ADD2: variants seen among roughly 807,000 people sequenced by gnomAD.
The protein encoded by ADD2 is adducin 2, also known as beta-adducin.
Under a neutral mutation model 83.0 loss-of-function variants are expected in ADD2, and 23 were observed. That is an observed-to-expected ratio of 0.28 (90% confidence interval 0.20 to 0.39). ADD2 has a LOEUF of 0.39. ADD2 is among the 10% of genes least tolerant of loss of function. The pLI, the probability that ADD2 is intolerant of heterozygous loss-of-function variation, is 1.00. For missense variants in ADD2, 758 were observed against 944.9 expected (o/e 0.80, Z 2.59); for synonymous variants, 375 against 375.4 (o/e 1.00, Z 0.01).
chr2:70,752,106 G>T (rs575045328), intron 1 of ADD2, among the ~76,000 whole-genome samples: 1 of 152,138 alleles, frequency 6.6e-6, no homozygotes, highest in South Asian at 2.1e-4. Context: ...ACGCGCTTTG[G>T]ACATTTGCCA....
intron 1 of ADD2, among the ~76,000 whole-genome samples, chr2:70,758,093 G>A (rs1318649465): frequency 6.6e-6 from 1 of 152,192 alleles, no homozygotes; most frequent in Non-Finnish European, 1.5e-5. Flanking sequence ...GGCAGGAACT[G>A]TGAGGGATCG....
At chr2:70,705,075 A>C (rs3771457) in intron 3 of ADD2, among the ~76,000 whole-genome samples, 46,722 of 151,816 alleles carry the variant, frequency 0.31, 7,514 homozygotes, top group East Asian at 0.43. Flanking sequence ...TGTAAAAGGG[A>C]AGAAGGAAGC....
intron 1 of ADD2, among the ~76,000 whole-genome samples, chr2:70,762,311 T>A (rs1041524820): frequency 1.3e-5 from 2 of 151,808 alleles, no homozygotes; most frequent in Non-Finnish European, 2.9e-5. Flanking sequence ...ACCAGATTTC[T>A]TATCACACAG....
chr2:70,684,930 T>C (rs113825310), intron 9 of ADD2, among the ~76,000 whole-genome samples: 1 of 152,220 alleles, frequency 6.6e-6, no homozygotes. Context: ...CCCTTTTTTT[T>C]AAATTCTGTG....
intron 13 of ADD2, chr2:70,675,034 A>T: frequency 7.4e-7 from 1 of 1,346,272 alleles, no homozygotes. Flanking sequence ...AACTGGCTGG[A>T]TGAATATAGG....
At chr2:70,682,452 G>A (rs926271343) in intron 10 of ADD2, among the ~76,000 whole-genome samples, 2 of 152,172 alleles carry the variant, frequency 1.3e-5, no homozygotes, top group Admixed American at 1.3e-4. Flanking sequence ...GGTCAGCCTG[G>A]TAACAAAGTA....
intron 2 of ADD2, among the ~76,000 whole-genome samples, chr2:70,710,681 G>C (rs1396546242): frequency 6.6e-6 from 1 of 152,238 alleles, no homozygotes; most frequent in Non-Finnish European, 1.5e-5. Flanking sequence ...AGACTACCTG[G>C]GTTCAAATCT....
At chr2:70,688,978 G>A (rs1421458835) in intron 8 of ADD2, among the ~76,000 whole-genome samples, 2 of 152,058 alleles carry the variant, frequency 1.3e-5, no homozygotes, top group African/African-American at 4.8e-5. Context: ...GATGGGGCCT[G>A]CCTGTAGTCC....
intron 1 of ADD2, among the ~76,000 whole-genome samples, chr2:70,745,210 C>T (rs1283909387): frequency 2.6e-5 from 4 of 152,134 alleles, no homozygotes; most frequent in African/African-American, 9.6e-5. Context: ...GGTGTGAACC[C>T]GGAGGGCGGA....
chr2:70,691,964 C>T (rs188243978), intron 7 of ADD2: 1 of 153,786 alleles, frequency 6.5e-6, no homozygotes, highest in Admixed American at 6.5e-5. Flanking sequence ...CATTGAGTCT[C>T]TTCTTTGTAT....
At chr2:70,749,457 C>T (rs533062013) in intron 1 of ADD2, among the ~76,000 whole-genome samples, 1 of 152,186 alleles carries the variant, frequency 6.6e-6, no homozygotes, top group East Asian at 1.9e-4. Context: ...GTCACTAATG[C>T]CAGGGGAAGT....
chr2:70,713,328 AG>A (rs1672294458), intron 1 of ADD2, 144 bp from the exon 2 acceptor site: 2 of 250,392 alleles, frequency 8.0e-6, no homozygotes, highest in African/African-American at 4.6e-5. Flanking sequence ...AAAAAGGTAA[AG>A]AGGCCAGGCA....
intron 1 of ADD2, among the ~76,000 whole-genome samples, chr2:70,722,519 A>C (rs575646641): frequency 2.6e-5 from 4 of 152,326 alleles, no homozygotes; most frequent in Admixed American, 2.0e-4. Flanking sequence ...CTGAAGGATG[A>C]GACAAGAGAA....
intron 1 of ADD2, among the ~76,000 whole-genome samples, chr2:70,757,869 C>T (rs1377710178): frequency 6.6e-6 from 1 of 152,190 alleles, no homozygotes; most frequent in Non-Finnish European, 1.5e-5. Context: ...CCATGCATTT[C>T]AAAGTTTAAT....
chr2:70,733,140 G>A (rs1029886222), intron 1 of ADD2, among the ~76,000 whole-genome samples: 1 of 152,084 alleles, frequency 6.6e-6, no homozygotes, highest in Non-Finnish European at 1.5e-5. Flanking sequence ...AGGGTCCAAG[G>A]GCCATTTCTA....
chr2:70,675,204 A>AT, intron 13 of ADD2: 2 of 1,015,226 alleles, frequency 2.0e-6, no homozygotes, highest in Non-Finnish European at 2.4e-6. Context: ...CAAGCATAGC[A>AT]TTGGCTCAAG....
At chr2:70,756,071 G>GAAAAAAAAAA in intron 1 of ADD2, among the ~76,000 whole-genome samples, 1 of 117,372 alleles carries the variant, frequency 8.5e-6, no homozygotes, top group Non-Finnish European at 1.9e-5. Context: ...GCAAAAAAAA[G>GAAAAAAAAAA]AAAAAAAAAA....
In ADD2 at chr2:70,720,369, G is replaced by A. The variant is rs542690788; in HGVS notation, c.-153-7185C>T. Reference sequence around the variant, plus strand: ...CTCACATGGGGAACTGCTGGCCTCCGGAATCTCCATGTGGAGACATCTCAA... The same window carrying A: ...CTCACATGGGGAACTGCTGGCCTCCAGAATCTCCATGTGGAGACATCTCAA... On this transcript the variant is annotated intron_variant, in intron 1 of 15. Transcript: ENST00000264436. Among the ~76,000 whole-genome samples the A allele has an allele frequency of 5.8e-4, 85 of 145,954 alleles. 1 individual carries two copies. Among genetic ancestry groups the A allele is most frequent in the African/African-American group, 2.2e-3 (82 of 38,040 alleles).
intron 4 of ADD2, among the ~76,000 whole-genome samples, chr2:70,697,141 C>T (rs548657217): frequency 2.6e-5 from 4 of 152,320 alleles, no homozygotes; most frequent in African/African-American, 7.2e-5. Flanking sequence ...AGCGAGACTC[C>T]GTCCCCCACA....
Sources: allele counts gnomAD v4.1 joint callset (sites outside exome capture counted in the v4.1 genomes callset), GRCh38; gene constraint gnomAD v4.1.1; transcripts MANE v1.5; gene names NCBI Gene and HGNC (gene_info 2026-07-23, HGNC 2026-07-21).